The following RBL1 variants were observed in gnomAD, a reference collection of about 807,000 sequenced individuals.
The protein encoded by RBL1 is retinoblastoma-like protein 1.
RBL1 carries 82 observed loss-of-function variants against 123.0 expected under a neutral mutation model. That is an observed-to-expected ratio of 0.67 (90% CI 0.56 to 0.80). The LOEUF is 0.80. Ranked by LOEUF, RBL1 falls within the 30% of genes least tolerant of loss-of-function variation. The pLI is 0.00. For missense variants in RBL1, 1,171 were observed against 1,299.6 expected (o/e 0.90, Z 1.52); for synonymous variants, 405 against 441.3 (o/e 0.92, Z 1.03).
At chr20:37,065,265 A>C (rs1378463162) in intron 7 of RBL1, among the ~76,000 whole-genome samples, 159 bp downstream of exon 7, 1 of 152,170 alleles carries the variant, frequency 6.6e-6, no homozygotes, top group African/African-American at 2.4e-5. Flanking sequence ...TTTAAAGCCA[A>C]CAAGTCTTAG....
At chr20:37,033,003 G>C (rs2064539389) in intron 15 of RBL1, 127 bp from the exon 16 acceptor site, 2 of 1,313,028 alleles carry the variant, frequency 1.5e-6, no homozygotes, top group Non-Finnish European at 1.0e-6. Context: ...AGTAATTCTA[G>C]GTTATGACTG....
chr20:37,095,281 G>A (rs375023438), intron 1 of RBL1, among the ~76,000 whole-genome samples: 9 of 152,042 alleles, frequency 5.9e-5, no homozygotes, highest in African/African-American at 2.2e-4. Flanking sequence ...TCAGACCCTG[G>A]GTCTGGCTCC....
At chr20:37,047,699 G>A (rs1204952958) in intron 11 of RBL1, among the ~76,000 whole-genome samples, 1 of 152,120 alleles carries the variant, frequency 6.6e-6, no homozygotes, top group East Asian at 1.9e-4. Context: ...CCCTAGATTG[G>A]CTGAGTGTGG....
Position 36,998,843 on chromosome 20 carries a change from G to A in RBL1, c.3123C>T (p.Ser1041=). 1 of 1,613,272 alleles carries A rather than the reference G, an allele frequency of 6.2e-7. No individual in the cohort carries two copies. The highest frequency in any genetic ancestry group is 8.5e-7 in the Non-Finnish European group (1 of 1,179,326). Residue 1041 remains serine (S), a synonymous_variant, in exon 22 of 22, where the codon TCC becomes TCT. Transcript: ENST00000373664. ...RVIAIDSDAE[S]PAKRVCQEND... ...TTTCTTGACAGACGCGTTTGGCAGGGGATTCTGCATCACTATCGATGGCTA... is the reference window on the plus strand; with the variant it reads ...TTTCTTGACAGACGCGTTTGGCAGGAGATTCTGCATCACTATCGATGGCTA...
intron 8 of RBL1, 21 bp from the exon 9 acceptor site, chr20:37,061,290 G>A (rs201319518): frequency 3.7e-6 from 6 of 1,603,012 alleles, no homozygotes; most frequent in East Asian, 2.2e-5. Context: ...AGAAAAATCC[G>A]TGAGTTTTTA....
chr20:37,090,674 A>G (rs1303952135), intron 1 of RBL1, among the ~76,000 whole-genome samples: 1 of 152,238 alleles, frequency 6.6e-6, no homozygotes, highest in Non-Finnish European at 1.5e-5. Flanking sequence ...ATGCAACATT[A>G]GGCAATTTTG....
At chr20:37,082,423 A>T (rs868649649) in intron 2 of RBL1, among the ~76,000 whole-genome samples, 21 of 152,100 alleles carry the variant, frequency 1.4e-4, no homozygotes, top group Middle Eastern at 3.4e-3. Context: ...AAAATTGTCA[A>T]CTTTATGAAT....
At chr20:37,001,379 G>A (rs1209101405) in intron 21 of RBL1, among the ~76,000 whole-genome samples, 1 of 151,076 alleles carries the variant, frequency 6.6e-6, no homozygotes, top group Non-Finnish European at 1.5e-5. Flanking sequence ...TGTAGAAAGA[G>A]GTAGACATGG....
intron 21 of RBL1, 136 bp from the exon 22 acceptor site, chr20:36,999,065 C>T (rs988820740): frequency 6.4e-6 from 5 of 785,382 alleles, no homozygotes; most frequent in African/African-American, 3.5e-5. Context: ...CTTTTTAAAA[C>T]TTAGAACAAC....
rs1316193274 is a variant in RBL1 at position 37,041,952 on chromosome 20, A to T, written c.1771-1667T>A. Among the ~76,000 whole-genome samples, 3 of 151,728 alleles carry T rather than the reference A, an allele frequency of 2.0e-5. No individual in the cohort carries two copies. The East Asian group carries it at 5.9e-4, about 30-fold the overall frequency. On this transcript the variant is annotated intron_variant, in intron 13 of 21. Coordinates refer to ENST00000373664, the MANE Select transcript of RBL1 (RefSeq NM_002895.5). ...GCTGGGCGTGGTGGTGGGTGCTTGT[A>T]GTCCCAGCTACTCAGGAGGCTGAGG... is the stretch of plus-strand genomic sequence containing the variant.
intron 1 of RBL1, among the ~76,000 whole-genome samples, chr20:37,092,934 C>T (rs1305402779): frequency 6.6e-6 from 1 of 152,006 alleles, no homozygotes; most frequent in African/African-American, 2.4e-5. Context: ...CTAAGGCCTA[C>T]TTGCCAGGCC....
chr20:37,024,176 A>G (rs1249676043), intron 16 of RBL1, among the ~76,000 whole-genome samples: 2 of 152,180 alleles, frequency 1.3e-5, no homozygotes, highest in African/African-American at 4.8e-5. Flanking sequence ...AACCGAGCTT[A>G]AAAACTAATT....
chr20:36,999,042 T>A, intron 21 of RBL1, 113 bp from the exon 22 acceptor site: 1 of 971,896 alleles, frequency 1.0e-6, no homozygotes, highest in Non-Finnish European at 1.5e-6. Context: ...ATCTTAACAC[T>A]GGGATAAGGA....
chr20:37,083,298 T>C (rs1048450314), intron 2 of RBL1, among the ~76,000 whole-genome samples: 2 of 150,638 alleles, frequency 1.3e-5, no homozygotes, highest in African/African-American at 2.4e-5. Context: ...TGAAATCCTG[T>C]CTCAACTAAA....
At chr20:37,051,477 G>C (rs1192741604) in intron 11 of RBL1, among the ~76,000 whole-genome samples, 1 of 152,018 alleles carries the variant, frequency 6.6e-6, no homozygotes, top group African/African-American at 2.4e-5. Flanking sequence ...CACAGCACCT[G>C]GCCTCTCCCA....
rs980154160 is a variant in RBL1 at position 37,056,263 on chromosome 20, A to G, written c.1251-5T>C. 8 of 1,597,058 alleles carry G rather than the reference A, an allele frequency of 5.0e-6. No homozygotes were observed. The highest frequency in any genetic ancestry group is 1.3e-5 in the African/African-American group (1 of 74,198). On this transcript the variant is annotated splice_polypyrimidine_tract_variant and splice_region_variant and intron_variant, in intron 9 of 21. Coordinates refer to ENST00000373664, the MANE Select transcript of RBL1 (RefSeq NM_002895.5). ...ACAGGATTACGCACACAAGATCTAC[A>G]AAATACAAGAGGAACCAATTACCAA... is the stretch of plus-strand genomic sequence containing the variant.
intron 11 of RBL1, among the ~76,000 whole-genome samples, chr20:37,049,998 G>A (rs763652058): frequency 3.3e-5 from 5 of 149,842 alleles, no homozygotes; most frequent in Non-Finnish European, 5.9e-5. Context: ...GGAGGCGGAG[G>A]TTGCGGTGAG....
At chr20:37,085,694 C>T (rs1264571293) in intron 2 of RBL1, among the ~76,000 whole-genome samples, 1 of 128,674 alleles carries the variant, frequency 7.8e-6, no homozygotes, top group Non-Finnish European at 1.6e-5. Flanking sequence ...CACTGTGTCA[C>T]CTAGGCTGGA....
intron 1 of RBL1, among the ~76,000 whole-genome samples, chr20:37,094,537 C>T (rs1038326861): frequency 2.6e-5 from 4 of 152,108 alleles, no homozygotes; most frequent in African/African-American, 9.7e-5. Context: ...GGGAGTGGGT[C>T]CAGCGCCCTT....
Sources: gnomAD v4.1 joint callset for allele counts (sites outside exome capture counted in the v4.1 genomes callset) on GRCh38, gnomAD v4.1.1 for gene constraint, MANE v1.5 for transcripts, NCBI Gene and HGNC (gene_info 2026-07-23, HGNC 2026-07-21) for gene names.